Variants in CPA6 observed in about 807,000 individuals in gnomAD.
CPA6 encodes the protein carboxypeptidase B.
Under a neutral mutation model 63.3 loss-of-function variants are expected in CPA6, and 58 were observed. The observed-to-expected ratio is 0.92, with a 90% confidence interval of 0.74 to 1.14. The LOEUF is 1.14. Among genes scored for constraint, CPA6 ranks in the 50% most tolerant of loss-of-function variants. CPA6 has a pLI of 0.00. For synonymous variants in CPA6, 185 were observed against 179.0 expected (o/e 1.03, Z -0.27); for missense variants, 565 against 526.6 (o/e 1.07, Z -0.71).
At chr8:67,684,465 T>A (rs1816669301) in intron 1 of CPA6, among the ~76,000 whole-genome samples, 1 of 152,038 alleles carries the variant, frequency 6.6e-6, no homozygotes, top group South Asian at 2.1e-4. Context: ...CCTTAAGTTC[T>A]CACCTCCCTT....
At chr8:67,731,357 T>C (rs934775857) in intron 1 of CPA6, among the ~76,000 whole-genome samples, 2 of 152,242 alleles carry the variant, frequency 1.3e-5, no homozygotes, top group Non-Finnish European at 2.9e-5. Flanking sequence ...GAGAGTCCCT[T>C]ACTTTTTGCT....
intron 2 of CPA6, among the ~76,000 whole-genome samples, chr8:67,552,883 A>G (rs9657086): frequency 0.42 from 63,289 of 151,494 alleles, 15,630 homozygotes; most frequent in Non-Finnish European, 0.55. Context: ...TGGTTAAAAT[A>G]AGTTCCATTT....
chr8:67,471,846 T>C (rs1459529364), intron 8 of CPA6, among the ~76,000 whole-genome samples: 1 of 151,970 alleles, frequency 6.6e-6, no homozygotes, highest in Non-Finnish European at 1.5e-5. Flanking sequence ...ATAAGGAAAA[T>C]ATTTAATAAC....
At chr8:67,740,200 C>T (rs189847898) in intron 1 of CPA6, among the ~76,000 whole-genome samples, 3 of 152,312 alleles carry the variant, frequency 2.0e-5, no homozygotes, top group East Asian at 1.9e-4. Context: ...TGGGACAGTC[C>T]CTGGCAACCC....
intron 2 of CPA6, among the ~76,000 whole-genome samples, chr8:67,554,575 C>T (rs34765332): frequency 0.49 from 73,927 of 151,978 alleles, 19,207 homozygotes; most frequent in Non-Finnish European, 0.59. Context: ...AGAAGTCCCA[C>T]GATAGTCTGT....
intron 1 of CPA6, among the ~76,000 whole-genome samples, chr8:67,700,232 C>G (rs941996746): frequency 1.3e-5 from 2 of 152,104 alleles, no homozygotes; most frequent in Admixed American, 6.6e-5. Context: ...TATGTGTTTA[C>G]TTAAAGTGGC....
chr8:67,530,047 A>G (rs1007492816), intron 2 of CPA6, among the ~76,000 whole-genome samples: 2 of 152,236 alleles, frequency 1.3e-5, no homozygotes, highest in African/African-American at 4.8e-5. Context: ...AATAAGTGCA[A>G]TTGATGTTTC....
chr8:67,595,899 G>T (rs979177146), intron 2 of CPA6, among the ~76,000 whole-genome samples: 1 of 152,110 alleles, frequency 6.6e-6, no homozygotes, highest in African/African-American at 2.4e-5. Context: ...ACTGTCCTGC[G>T]CCCACTGTCT....
intron 1 of CPA6, among the ~76,000 whole-genome samples, chr8:67,678,264 A>ACACACAC (rs1456845314): frequency 1.6e-3 from 178 of 110,714 alleles, no homozygotes; most frequent in Non-Finnish European, 2.5e-3. Flanking sequence ...CACACACACA[A>ACACACAC]ACCCTGATGA....
At chr8:67,529,057 G>A (rs1271407637) in intron 2 of CPA6, among the ~76,000 whole-genome samples, 2 of 151,816 alleles carry the variant, frequency 1.3e-5, no homozygotes, top group African/African-American at 4.8e-5. Context: ...CCCTACAAGA[G>A]CATGCTCATG....
In CPA6 at chr8:67,453,095, G is replaced by GAGAGTGTGTGTTTGTATGTCT. The variant is rs573403180; in HGVS notation, c.839-18876_839-18856dup. Among the ~76,000 whole-genome samples the GAGAGTGTGTGTTTGTATGTCT allele has an allele frequency of 1.3e-3, 202 of 152,240 alleles. 3 individuals are homozygous for GAGAGTGTGTGTTTGTATGTCT. In the East Asian group the frequency reaches 0.033, roughly 25 times the overall value. On this transcript the variant is annotated intron_variant, in intron 8 of 10. Coordinates refer to ENST00000297770, the MANE Select transcript of CPA6 (RefSeq NM_020361.5). Reference sequence around the variant, plus strand: ...AAAAGGTTCATGGTGGCTGAGGATGGAGAGTGTGTGTTTGTATGTCTGTGT... The same window carrying GAGAGTGTGTGTTTGTATGTCT: ...AAAAGGTTCATGGTGGCTGAGGATGGAGAGTGTGTGTTTGTATGTCTAGAGTGTGTGTTTGTATGTCTGTGT...
At chr8:67,481,800 C>CG (rs1271921497) in intron 8 of CPA6, among the ~76,000 whole-genome samples, 1 of 152,106 alleles carries the variant, frequency 6.6e-6, no homozygotes, top group East Asian at 1.9e-4. Flanking sequence ...CACATAACTG[C>CG]GGGGGGATGG....
intron 2 of CPA6, among the ~76,000 whole-genome samples, chr8:67,550,926 GGA>G (rs1309436293): frequency 6.6e-6 from 1 of 151,990 alleles, no homozygotes; most frequent in Non-Finnish European, 1.5e-5. Context: ...TATAGAGCCT[GGA>G]TATTTAGACC....
chr8:67,511,071 C>T (rs1467657560), intron 4 of CPA6, among the ~76,000 whole-genome samples: 1 of 145,022 alleles, frequency 6.9e-6, no homozygotes, highest in Non-Finnish European at 1.5e-5. Context: ...TGTCAGTTCT[C>T]CAGGTAGGAT....
chr8:67,492,152 A>T (rs1811620355), intron 6 of CPA6, among the ~76,000 whole-genome samples: 1 of 152,224 alleles, frequency 6.6e-6, no homozygotes, highest in Non-Finnish European at 1.5e-5. Flanking sequence ...GCTGACTAGG[A>T]ATGTTGACAC....
intron 1 of CPA6, among the ~76,000 whole-genome samples, chr8:67,714,397 A>G (rs545666754): frequency 6.6e-6 from 1 of 152,376 alleles, no homozygotes; most frequent in South Asian, 2.1e-4. Context: ...ATCTCCTAGT[A>G]TCCTAATTCT....
intron 8 of CPA6, among the ~76,000 whole-genome samples, chr8:67,446,592 T>C (rs960471669): frequency 6.6e-6 from 1 of 152,234 alleles, no homozygotes; most frequent in African/African-American, 2.4e-5. Context: ...TTTTATTTTA[T>C]GTTTGACAGC....
intron 2 of CPA6, among the ~76,000 whole-genome samples, chr8:67,611,574 G>A (rs952235393): frequency 1.3e-5 from 2 of 152,008 alleles, no homozygotes; most frequent in Non-Finnish European, 2.9e-5. Context: ...CCCTCTTTTT[G>A]TCTTGCCTTG....
chr8:67,649,651 T>G (rs1815792513), intron 1 of CPA6, among the ~76,000 whole-genome samples: 1 of 152,176 alleles, frequency 6.6e-6, no homozygotes, highest in Non-Finnish European at 1.5e-5. Flanking sequence ...TAAGGGTCAC[T>G]CAGTGTTTTA....
Sources: allele counts gnomAD v4.1 joint callset (sites outside exome capture counted in the v4.1 genomes callset), GRCh38; gene constraint gnomAD v4.1.1; transcripts MANE v1.5; gene names NCBI Gene and HGNC (gene_info 2026-07-23, HGNC 2026-07-21).